The following GALNTL6 variants were observed in gnomAD, a reference collection of about 807,000 sequenced individuals.
GALNTL6 encodes polypeptide N-acetylgalactosaminyltransferase-like 6.
Under a neutral mutation model 73.7 loss-of-function variants are expected in GALNTL6, and 46 were observed. The observed-to-expected ratio is 0.62, with a 90% CI of 0.49 to 0.80. The LOEUF (loss-of-function observed/expected upper bound fraction) is 0.80, where lower values mean the gene tolerates loss of function less well. Ranked by LOEUF, GALNTL6 falls within the 30% of genes least tolerant of loss-of-function variation. The pLI is 0.00. For synonymous variants in GALNTL6, 259 were observed against 263.7 expected (o/e 0.98, Z 0.17); for missense variants, 604 against 755.0 (o/e 0.80, Z 2.34).
At chr4:172,345,918 A>G (rs1216245514) in intron 4 of GALNTL6, among the ~76,000 whole-genome samples, 1 of 152,230 alleles carries the variant, frequency 6.6e-6, no homozygotes, top group Non-Finnish European at 1.5e-5. Flanking sequence ...CCTCAGGGTT[A>G]TCCCACCATA....
At chr4:172,110,438 A>C (rs1200647320) in intron 2 of GALNTL6, among the ~76,000 whole-genome samples, 6 of 152,216 alleles carry the variant, frequency 3.9e-5, no homozygotes, top group Non-Finnish European at 8.8e-5. Context: ...GGAGAAAGTG[A>C]TAATAGTACT....
intron 5 of GALNTL6, among the ~76,000 whole-genome samples, chr4:172,386,474 A>C (rs1355133931): frequency 1.3e-5 from 2 of 152,148 alleles, no homozygotes; most frequent in African/African-American, 4.8e-5. Flanking sequence ...AGAGAGACAG[A>C]ACTAATAAGA....
chr4:172,940,704 C>T (rs1158219440), intron 9 of GALNTL6, among the ~76,000 whole-genome samples: 3 of 152,108 alleles, frequency 2.0e-5, no homozygotes, highest in South Asian at 2.1e-4. Flanking sequence ...GACAGGGTCT[C>T]ACTCTATTGC....
intron 5 of GALNTL6, among the ~76,000 whole-genome samples, chr4:172,370,116 G>T (rs1168058508): frequency 1.3e-5 from 2 of 152,162 alleles, no homozygotes; most frequent in Non-Finnish European, 2.9e-5. Context: ...GGTGAAGAAG[G>T]GGCCCTGCAG....
chr4:171,876,654 TTAGA>T (rs1300890560), intron 2 of GALNTL6, among the ~76,000 whole-genome samples: 4 of 152,166 alleles, frequency 2.6e-5, no homozygotes, highest in Non-Finnish European at 5.9e-5. Flanking sequence ...CCAAGTCAAC[TTAGA>T]TAGTAACCTT....
chr4:172,270,162 C>T (rs1310033032), intron 3 of GALNTL6, among the ~76,000 whole-genome samples: 1 of 151,412 alleles, frequency 6.6e-6, no homozygotes, highest in Non-Finnish European at 1.5e-5. Flanking sequence ...CCTTTTACTT[C>T]TCTGTCCACT....
intron 12 of GALNTL6, among the ~76,000 whole-genome samples, chr4:173,035,372 T>C (rs1362105297): frequency 7.2e-6 from 1 of 139,408 alleles, no homozygotes; most frequent in Non-Finnish European, 1.6e-5. Context: ...CAGACGGGAT[T>C]TCCCCATGTT....
At chr4:172,723,349 T>G (rs1423927426) in intron 5 of GALNTL6, among the ~76,000 whole-genome samples, 1 of 152,166 alleles carries the variant, frequency 6.6e-6, no homozygotes, top group Non-Finnish European at 1.5e-5. Context: ...GACCTGAATT[T>G]GAATACTGCC....
chr4:171,998,191 AGAAATAG>A (rs1740552963), intron 2 of GALNTL6, among the ~76,000 whole-genome samples: 1 of 152,206 alleles, frequency 6.6e-6, no homozygotes, highest in Non-Finnish European at 1.5e-5. Flanking sequence ...AGTTGCATCT[AGAAATAG>A]GTGTCATTTA....
intron 7 of GALNTL6, among the ~76,000 whole-genome samples, chr4:172,817,191 C>T (rs1741652806): frequency 1.3e-5 from 2 of 151,384 alleles, no homozygotes; most frequent in African/African-American, 4.9e-5. Flanking sequence ...TTTGGGAGAC[C>T]AAGGCAGGCA....
chr4:172,541,257 C>A lies in GALNTL6; in HGVS notation c.553+192568C>A, dbSNP rs562518311. Among the ~76,000 whole-genome samples the A allele has an allele frequency of 4.6e-5, 7 of 152,162 alleles. No homozygotes were observed. In the East Asian group the frequency reaches 5.8e-4, roughly 13 times the overall value. ...CTTAGGTCTTGTTTATAATTTGGTA[C>A]CTTAATGCCACAAATCATATGTTTT... is the stretch of plus-strand genomic sequence containing the variant. On this transcript the variant is annotated intron_variant, in intron 5 of 12. Transcript: ENST00000506823.
At chr4:172,731,653 T>G (rs975551698) in intron 5 of GALNTL6, among the ~76,000 whole-genome samples, 5 of 152,104 alleles carry the variant, frequency 3.3e-5, no homozygotes, top group African/African-American at 1.2e-4. Context: ...TAATTTGAAG[T>G]CTTTCTACTT....
rs772358085 is a variant in GALNTL6 at position 171,971,283 on chromosome 4, G to A, written c.138+156565G>A. Among the ~76,000 whole-genome samples the A allele has an allele frequency of 7.0e-4, 106 of 152,200 alleles. 1 individual carries two copies. Among genetic ancestry groups the A allele is most frequent in the Non-Finnish European group, 1.3e-3 (88 of 68,022 alleles). On this transcript the variant is annotated intron_variant, in intron 2 of 12. Coordinates refer to ENST00000506823, the MANE Select transcript of GALNTL6 (RefSeq NM_001034845.3). ...CTGTGAATTATCCCTCTGAATGAAG[G>A]CCTAGAAATGCCTCTTTGAGGTAAG...
intron 5 of GALNTL6, among the ~76,000 whole-genome samples, chr4:172,496,375 T>C (rs1328585655): frequency 2.0e-5 from 3 of 152,150 alleles, no homozygotes; most frequent in Non-Finnish European, 4.4e-5. Context: ...AGTTATATTT[T>C]TCTTTTAAAT....
chr4:172,767,975 C>T (rs1404805260), intron 5 of GALNTL6, among the ~76,000 whole-genome samples: 1 of 152,064 alleles, frequency 6.6e-6, no homozygotes, highest in East Asian at 1.9e-4. Context: ...GCCGAGAACT[C>T]ATTATTTTAA....
intron 5 of GALNTL6, chr4:172,379,982 C>A: frequency 1.2e-6 from 1 of 820,852 alleles, no homozygotes; most frequent in South Asian, 1.4e-5. Context: ...AGAAAGAAGT[C>A]TTGGCAGAAC....
intron 9 of GALNTL6, among the ~76,000 whole-genome samples, chr4:172,931,769 T>C (rs2111321280): frequency 6.6e-6 from 1 of 152,340 alleles, no homozygotes; most frequent in South Asian, 2.1e-4. Context: ...TTTTGCCCCA[T>C]CCTCAACATT....
At chr4:173,038,464 A>T (rs559297248) in intron 12 of GALNTL6, among the ~76,000 whole-genome samples, 1 of 152,302 alleles carries the variant, frequency 6.6e-6, no homozygotes, top group South Asian at 2.1e-4. Context: ...AGAGTTTCTC[A>T]GAGTCTTTCC....
At chr4:172,808,416 C>T (rs1245615946) in intron 5 of GALNTL6, among the ~76,000 whole-genome samples, 6 of 152,024 alleles carry the variant, frequency 3.9e-5, no homozygotes, top group Non-Finnish European at 8.8e-5. Context: ...ATGAAGAGAA[C>T]GTTTGAAAAG....
Sources: gnomAD v4.1 joint callset for allele counts (sites outside exome capture counted in the v4.1 genomes callset) on GRCh38, gnomAD v4.1.1 for gene constraint, MANE v1.5 for transcripts, NCBI Gene and HGNC (gene_info 2026-07-23, HGNC 2026-07-21) for gene names.